Variants in KCNMA1 observed in about 807,000 individuals in gnomAD.
KCNMA1 encodes the protein potassium calcium-activated channel subfamily M alpha 1.
Under a neutral mutation model 140.0 loss-of-function variants are expected in KCNMA1, and 29 were observed. The ratio of observed to expected loss-of-function variants is 0.21; its 90% CI spans 0.15 to 0.28. The LOEUF (loss-of-function observed/expected upper bound fraction) is 0.28, where lower values mean the gene tolerates loss of function less well. KCNMA1 is among the 10% of genes least tolerant of loss of function. The pLI is 1.00. For missense variants in KCNMA1, 880 were observed against 1,602.2 expected, an observed-to-expected ratio of 0.55 and a Z score of 7.70; for synonymous variants, 612 against 611.9, an observed-to-expected ratio of 1.00 and a Z score of 0.00.
chr10:77,562,456 T>C (rs1375238964), intron 1 of KCNMA1, among the ~76,000 whole-genome samples: 1 of 152,230 alleles, frequency 6.6e-6, no homozygotes, highest in Non-Finnish European at 1.5e-5. Context: ...AGTTTCTTCA[T>C]ACCTTAATAA....
intron 7 of KCNMA1, among the ~76,000 whole-genome samples, chr10:77,111,746 A>C (rs2097330385): frequency 6.6e-6 from 1 of 152,214 alleles, no homozygotes; most frequent in Non-Finnish European, 1.5e-5. Flanking sequence ...GAGCTAGACG[A>C]GGCTCCTTCC....
intron 1 of KCNMA1, among the ~76,000 whole-genome samples, chr10:77,631,632 T>G (rs1435200721): frequency 6.6e-6 from 1 of 152,070 alleles, no homozygotes; most frequent in African/African-American, 2.4e-5. Flanking sequence ...TCTCATGCCC[T>G]GATGAGAGAG....
intron 23 of KCNMA1, among the ~76,000 whole-genome samples, chr10:76,920,014 G>GTATA (rs1449289105): frequency 2.0e-3 from 88 of 44,446 alleles, no homozygotes; most frequent in African/African-American, 4.4e-3. Flanking sequence ...GTGTGTGTGT[G>GTATA]TGTGTGTATA....
At chr10:77,109,603 G>A (rs1338720578) in intron 8 of KCNMA1, among the ~76,000 whole-genome samples, 9 of 152,208 alleles carry the variant, frequency 5.9e-5, no homozygotes, top group African/African-American at 1.9e-4. Context: ...GTCCGCTGCA[G>A]AATGGAGTGA....
intron 2 of KCNMA1, among the ~76,000 whole-genome samples, chr10:77,310,641 G>A (rs1199514948): frequency 3.3e-5 from 5 of 152,182 alleles, no homozygotes; most frequent in South Asian, 2.1e-4. Context: ...GCAGACAGAC[G>A]AGCTTTGGAG....
intron 1 of KCNMA1, among the ~76,000 whole-genome samples, chr10:77,484,262 G>T (rs889221514): frequency 1.2e-4 from 18 of 152,186 alleles, no homozygotes; most frequent in African/African-American, 4.3e-4. Flanking sequence ...CACTTATCCC[G>T]TTACGTGGGT....
chr10:77,306,590 A>G (rs527788569), intron 2 of KCNMA1, among the ~76,000 whole-genome samples: 1 of 152,354 alleles, frequency 6.6e-6, no homozygotes, highest in African/African-American at 2.4e-5. Flanking sequence ...GTGCAATAGA[A>G]ATAAATGAAG....
At position 77,337,444 on chromosome 10, in the gene KCNMA1, C is replaced by T. The variant is rs371307810; in HGVS notation, c.540+66418G>A. On this transcript the variant is annotated intron_variant, in intron 2 of 27. Coordinates refer to ENST00000286628, the MANE Select transcript of KCNMA1 (RefSeq NM_001161352.2). ...GACCTGCATGGGCAACATAGTGAAACCCCTTCTCTACTAAAAAATACAAAA... is the reference window on the plus strand; with the variant it reads ...GACCTGCATGGGCAACATAGTGAAATCCCTTCTCTACTAAAAAATACAAAA... Among the ~76,000 whole-genome samples the T allele has an allele frequency of 3.0e-3, 455 of 152,198 alleles. 8 individuals carry two copies. Among genetic ancestry groups the T allele is most frequent in the Middle Eastern group, 0.027 (8 of 294 alleles).
At chr10:77,137,073 A>G (rs1596822575) in intron 5 of KCNMA1, among the ~76,000 whole-genome samples, 2 of 152,084 alleles carry the variant, frequency 1.3e-5, no homozygotes, top group East Asian at 3.9e-4. Flanking sequence ...TCTCAGATAA[A>G]AGCAGAGTTA....
intron 16 of KCNMA1, 25 bp downstream of exon 16, chr10:77,027,798 G>A (rs1402468962): frequency 1.2e-6 from 2 of 1,603,488 alleles, no homozygotes; most frequent in Admixed American, 1.7e-5. Context: ...AGTGTCAGCT[G>A]GCTGCTGGGT....
chr10:77,114,516 C>T (rs916006821), intron 6 of KCNMA1, among the ~76,000 whole-genome samples: 1 of 152,240 alleles, frequency 6.6e-6, no homozygotes, highest in African/African-American at 2.4e-5. Context: ...CACCACCCCT[C>T]TTTCACATAA....
chr10:77,574,351 C>T (rs1279226963), intron 1 of KCNMA1, among the ~76,000 whole-genome samples: 2 of 151,922 alleles, frequency 1.3e-5, no homozygotes, highest in African/African-American at 4.8e-5. Flanking sequence ...ACAATGTATG[C>T]TTTGCACACA....
At chr10:77,076,891 G>A (rs554598249) in intron 13 of KCNMA1, among the ~76,000 whole-genome samples, 20 of 152,046 alleles carry the variant, frequency 1.3e-4, no homozygotes, top group East Asian at 1.9e-4. Flanking sequence ...TTTCAAGCCC[G>A]TTGTCCAATT....
intron 2 of KCNMA1, among the ~76,000 whole-genome samples, chr10:77,321,195 T>C (rs1343304083): frequency 6.6e-6 from 1 of 152,228 alleles, no homozygotes; most frequent in African/African-American, 2.4e-5. Flanking sequence ...ATGCAACAGA[T>C]CATAATGGAC....
intron 2 of KCNMA1, among the ~76,000 whole-genome samples, chr10:77,325,925 C>T (rs7923107): frequency 0.26 from 39,645 of 152,118 alleles, 6,527 homozygotes; most frequent in Non-Finnish European, 0.38. Context: ...GACCCCATTC[C>T]TCTGAACTCA....
chr10:77,215,408 T>TTTG (rs2047418268), intron 3 of KCNMA1, among the ~76,000 whole-genome samples: 1 of 13,952 alleles, frequency 7.2e-5, no homozygotes. Context: ...TTATTTTTGC[T>TTTG]TTTTTTTTTT....
intron 2 of KCNMA1, among the ~76,000 whole-genome samples, chr10:77,291,078 T>C (rs1413955936): frequency 6.6e-6 from 1 of 152,184 alleles, no homozygotes; most frequent in Admixed American, 6.5e-5. Context: ...ACGCTACACA[T>C]GAGCCCTCCT....
chr10:77,013,259 C>T (rs765494607), intron 17 of KCNMA1, among the ~76,000 whole-genome samples: 8 of 152,130 alleles, frequency 5.3e-5, no homozygotes, highest in Non-Finnish European at 8.8e-5. Flanking sequence ...ATCTCTGGGA[C>T]TCAGTGTCCT....
chr10:77,341,051 G>C (rs1333836932), intron 2 of KCNMA1, among the ~76,000 whole-genome samples: 2 of 152,144 alleles, frequency 1.3e-5, no homozygotes, highest in Admixed American at 1.3e-4. Flanking sequence ...CCTCTCTGCA[G>C]GGGGTTAAGC....
Sources: allele counts gnomAD v4.1 joint callset (sites outside exome capture counted in the v4.1 genomes callset), GRCh38; gene constraint gnomAD v4.1.1; transcripts MANE v1.5; gene names NCBI Gene and HGNC (gene_info 2026-07-23, HGNC 2026-07-21).